GPC5: variants seen among roughly 807,000 people sequenced by gnomAD.
GPC5 encodes glypican-5.
A neutral mutation model predicts 53.9 loss-of-function variants in GPC5; 47 were observed. The observed-to-expected ratio is 0.87, with a 90% CI of 0.69 to 1.11. GPC5 has a LOEUF of 1.11. Ranked by LOEUF, GPC5 falls within the 50% of genes most tolerant of loss-of-function variation. The probability of loss-of-function intolerance (pLI) is 0.00; values close to 1 mark genes in which losing one functional copy is unlikely to be tolerated. For missense variants in GPC5, 748 were observed against 713.1 expected (o/e 1.05, Z -0.56); for synonymous variants, 286 against 263.3 (o/e 1.09, Z -0.84).
At chr13:91,965,827 T>A (rs1376147465) in intron 6 of GPC5, among the ~76,000 whole-genome samples, 1 of 152,216 alleles carries the variant, frequency 6.6e-6, no homozygotes, top group Non-Finnish European at 1.5e-5. Flanking sequence ...TGATCTGTTT[T>A]TCCTAATATA....
chr13:91,541,328 C>A (rs570910147), intron 2 of GPC5, among the ~76,000 whole-genome samples: 1 of 152,100 alleles, frequency 6.6e-6, no homozygotes, highest in African/African-American at 2.4e-5. Context: ...TGGTTAATTT[C>A]TTTGGTCAAT....
intron 5 of GPC5, among the ~76,000 whole-genome samples, chr13:91,890,824 A>G (rs2138967800): frequency 6.6e-6 from 1 of 152,304 alleles, no homozygotes; most frequent in African/African-American, 2.4e-5. Context: ...GTCATGCAAA[A>G]AAGAAGGCAT....
intron 5 of GPC5, among the ~76,000 whole-genome samples, chr13:91,769,614 G>A (rs189630592): frequency 6.6e-6 from 1 of 152,192 alleles, no homozygotes; most frequent in South Asian, 2.1e-4. Context: ...GGAAATCAGC[G>A]TGTGTGGCTC....
intron 6 of GPC5, among the ~76,000 whole-genome samples, chr13:92,075,396 A>T (rs1439382375): frequency 6.6e-6 from 1 of 152,080 alleles, no homozygotes; most frequent in African/African-American, 2.4e-5. Flanking sequence ...TGATAACGGA[A>T]CCTCTGTATT....
intron 7 of GPC5, among the ~76,000 whole-genome samples, chr13:92,603,579 G>A (rs1384776572): frequency 1.3e-5 from 2 of 152,162 alleles, no homozygotes; most frequent in Non-Finnish European, 2.9e-5. Flanking sequence ...ACTTGCCTAA[G>A]AGAGCTCCAG....
At chr13:91,752,810 G>A (rs1251699933) in intron 4 of GPC5, among the ~76,000 whole-genome samples, 2 of 152,218 alleles carry the variant, frequency 1.3e-5, no homozygotes, top group African/African-American at 4.8e-5. Context: ...GATGTGCACA[G>A]TTCTTGAACC....
At chr13:91,772,060 C>A (rs780407874) in intron 5 of GPC5, among the ~76,000 whole-genome samples, 1 of 152,132 alleles carries the variant, frequency 6.6e-6, no homozygotes, top group Non-Finnish European at 1.5e-5. Context: ...TGCTTGCCAA[C>A]CTTTGTGAGT....
chr13:92,427,104 C>T (rs145689864), intron 7 of GPC5, among the ~76,000 whole-genome samples: 1 of 151,484 alleles, frequency 6.6e-6, no homozygotes, highest in Non-Finnish European at 1.5e-5. Flanking sequence ...AACATTTCAC[C>T]TAGTGCTTAC....
chr13:92,798,118 A>G (rs1876766235), intron 7 of GPC5, among the ~76,000 whole-genome samples: 1 of 151,906 alleles, frequency 6.6e-6, no homozygotes, highest in Admixed American at 6.6e-5. Context: ...CATGCTGAAA[A>G]TGACGAGACA....
intron 7 of GPC5, among the ~76,000 whole-genome samples, chr13:92,787,768 T>C (rs1165155147): frequency 1.3e-5 from 2 of 150,768 alleles, no homozygotes; most frequent in Non-Finnish European, 3.0e-5. Context: ...TCCCAGCTAC[T>C]TGGGAGGCTG....
chr13:92,025,876 G>GA (rs1365747319), intron 6 of GPC5, among the ~76,000 whole-genome samples: 1 of 152,086 alleles, frequency 6.6e-6, no homozygotes, highest in Non-Finnish European at 1.5e-5. Context: ...ATATGTAACA[G>GA]AAAAATGCTG....
rs763264218 is a variant in GPC5, at chr13:92,477,790, T to A, written c.1561+332801T>A. 2.0e-5 allele frequency among the ~76,000 whole-genome samples: 3 copies of A among 152,284 alleles called. No homozygotes were observed. In the East Asian group the frequency reaches 5.8e-4, roughly 29 times the overall value. On this transcript the variant is annotated intron_variant, in intron 7 of 7. Transcript: ENST00000377067. ...TTACTGAAATGAAAGCATGCAGAGT[T>A]ACTGTAGCGGTGTGTTGTTATTGGG... is the stretch of plus-strand genomic sequence containing the variant.
intron 6 of GPC5, among the ~76,000 whole-genome samples, chr13:92,120,491 C>G (rs1459861107): frequency 2.0e-5 from 3 of 152,104 alleles, no homozygotes; most frequent in Non-Finnish European, 2.9e-5. Context: ...AACTTCTGGA[C>G]TCAAGCACTC....
chr13:92,345,607 ATAAAT>A (rs1170760994), intron 7 of GPC5, among the ~76,000 whole-genome samples: 2 of 152,292 alleles, frequency 1.3e-5, no homozygotes, highest in Admixed American at 6.5e-5. Context: ...CTGAATGAAA[ATAAAT>A]TAGATGAGTA....
chr13:92,667,435 G>A lies in GPC5; in HGVS notation c.1562-198847G>A, dbSNP rs368568842. Reference sequence around the variant, plus strand: ...GAGAGAAAAAGACACAGCAAAATACGGTCAGAGAGACAAGAAGAGAACAAC... The same window carrying A: ...GAGAGAAAAAGACACAGCAAAATACAGTCAGAGAGACAAGAAGAGAACAAC... On this transcript the variant is annotated intron_variant, in intron 7 of 7. Coordinates refer to ENST00000377067, the MANE Select transcript of GPC5 (RefSeq NM_004466.6). 6.8e-4 allele frequency among the ~76,000 whole-genome samples: 103 copies of A among 152,202 alleles called. 1 individual carries two copies. Among genetic ancestry groups the A allele is most frequent in the Middle Eastern group, 3.4e-3 (1 of 294 alleles).
At chr13:92,701,963 A>T (rs1217092012) in intron 7 of GPC5, among the ~76,000 whole-genome samples, 2 of 152,114 alleles carry the variant, frequency 1.3e-5, no homozygotes, top group Admixed American at 6.6e-5. Flanking sequence ...ATAGGACTTA[A>T]ATGATAAGCT....
chr13:91,757,249 A>C lies in GPC5; in HGVS notation c.1280+829A>C, dbSNP rs1411686155. 5.3e-5 allele frequency among the ~76,000 whole-genome samples: 8 copies of C among 152,080 alleles called. No homozygotes were observed. In the East Asian group the frequency reaches 1.5e-3, roughly 29 times the overall value. ...AATGAGGTTTTGTGTTTGGATCTGA[A>C]TCTGTTAAACTATAAAATAAATATA... On this transcript the variant is annotated intron_variant, in intron 5 of 7. Transcript: ENST00000377067.
intron 7 of GPC5, among the ~76,000 whole-genome samples, chr13:92,427,796 A>G (rs1343896438): frequency 1.3e-5 from 2 of 152,164 alleles, no homozygotes; most frequent in Non-Finnish European, 2.9e-5. Context: ...GATCTCAATT[A>G]GTGATAGGAA....
At chr13:92,423,220 C>A (rs1483037703) in intron 7 of GPC5, among the ~76,000 whole-genome samples, 1 of 152,118 alleles carries the variant, frequency 6.6e-6, no homozygotes, top group Non-Finnish European at 1.5e-5. Flanking sequence ...TGCCATCACG[C>A]TGAAGATTAG....
Sources: gnomAD v4.1 joint callset for allele counts (sites outside exome capture counted in the v4.1 genomes callset) on GRCh38, gnomAD v4.1.1 for gene constraint, MANE v1.5 for transcripts, NCBI Gene and HGNC (gene_info 2026-07-23, HGNC 2026-07-21) for gene names.